CLASP2: variants seen among roughly 807,000 people sequenced by gnomAD.
CLASP2 encodes cytoplasmic linker associated protein 2, also known as CLIP-associating protein 2.
Under a neutral mutation model 194.4 loss-of-function variants are expected in CLASP2, and 47 were observed. That is an observed-to-expected ratio of 0.24 (90% CI 0.19 to 0.31). CLASP2 has a LOEUF of 0.31. Ranked by LOEUF, CLASP2 falls within the 10% of genes least tolerant of loss-of-function variation. The pLI is 1.00. For missense variants in CLASP2, 1,445 were observed against 1,823.6 expected (o/e 0.79, Z 3.78); for synonymous variants, 619 against 633.5 (o/e 0.98, Z 0.34).
chr3:33,498,744 A>C, intron 38 of CLASP2, 27 bp from the exon 39 acceptor site: 3 of 1,499,514 alleles, frequency 2.0e-6, no homozygotes, highest in Non-Finnish European at 2.8e-6. Context: ...AATAAATGTC[A>C]TTTGAGCAAG....
intron 5 of CLASP2, among the ~76,000 whole-genome samples, chr3:33,686,056 A>C (rs2090630297): frequency 6.6e-6 from 1 of 152,172 alleles, no homozygotes; most frequent in African/African-American, 2.4e-5. Context: ...TGAATACAGG[A>C]ATTTGAAAGG....
chr3:33,540,406 TA>T (rs1305014498), intron 32 of CLASP2, among the ~76,000 whole-genome samples: 1 of 151,916 alleles, frequency 6.6e-6, no homozygotes, highest in Admixed American at 6.6e-5. Flanking sequence ...TAGGCTGATT[TA>T]AAAAAATTTT....
At chr3:33,555,479 C>T (rs1299607761) in intron 29 of CLASP2, among the ~76,000 whole-genome samples, 1 of 151,850 alleles carries the variant, frequency 6.6e-6, no homozygotes, top group Non-Finnish European at 1.5e-5. Flanking sequence ...GACCCTCCCA[C>T]CTCAGCTTCC....
chr3:33,632,563 T>C lies in CLASP2; in HGVS notation c.863-192A>G, dbSNP rs149976711. ...AATGTACTTTGTAATGCCGATTCAT[T>C]ATAAGGTACTAGGCTAGGCGGGTTG... is the stretch of plus-strand genomic sequence containing the variant. On this transcript the variant is annotated intron_variant, in intron 8 of 38. Coordinates refer to ENST00000682230, the MANE Select transcript of CLASP2 (RefSeq NM_001365631.1). Among the ~76,000 whole-genome samples, 59 of 152,176 alleles carry C rather than the reference T, an allele frequency of 3.9e-4. No individual in the cohort carries two copies. In the East Asian group the frequency reaches 9.3e-3, roughly 24 times the overall value.
chr3:33,621,867 C>T (rs2077167400), intron 11 of CLASP2, among the ~76,000 whole-genome samples: 1 of 152,018 alleles, frequency 6.6e-6, no homozygotes, highest in Non-Finnish European at 1.5e-5. Flanking sequence ...TCATTTTCAT[C>T]TTATACTTGA....
At chr3:33,546,978 T>G (rs568882651) in intron 30 of CLASP2, among the ~76,000 whole-genome samples, 1 of 152,336 alleles carries the variant, frequency 6.6e-6, no homozygotes, top group South Asian at 2.1e-4. Context: ...TATTCCTGTT[T>G]TAAGTGTTTT....
At chr3:33,559,842 C>T (rs1298161470) in intron 28 of CLASP2, among the ~76,000 whole-genome samples, 2 of 151,842 alleles carry the variant, frequency 1.3e-5, no homozygotes, top group South Asian at 2.1e-4. Context: ...TGCAGTGAGC[C>T]GAGATTGCGC....
intron 6 of CLASP2, among the ~76,000 whole-genome samples, chr3:33,677,663 C>A (rs78147258): frequency 6.7e-6 from 1 of 149,966 alleles, no homozygotes; most frequent in Non-Finnish European, 1.5e-5. Flanking sequence ...ATGTAACTAA[C>A]CTGCACAGTG....
At chr3:33,695,240 T>TTTTTTTTTTA (rs2091761433) in intron 2 of CLASP2, among the ~76,000 whole-genome samples, 4 of 145,312 alleles carry the variant, frequency 2.8e-5, no homozygotes, top group Non-Finnish European at 6.0e-5. Flanking sequence ...TTTTTTTTTT[T>TTTTTTTTTTA]GGTAGAAACA....
chr3:33,685,734 A>T (rs1196648913), intron 5 of CLASP2, among the ~76,000 whole-genome samples: 1 of 148,642 alleles, frequency 6.7e-6, no homozygotes, highest in Non-Finnish European at 1.5e-5. Flanking sequence ...CTATCATTCT[A>T]CTTCTATGAG....
At position 33,552,476 on chromosome 3, in the gene CLASP2, T is replaced by C. The variant is rs544180567; in HGVS notation, c.3010-1081A>G. Among the ~76,000 whole-genome samples, 15 of 152,316 alleles carry C rather than the reference T, an allele frequency of 9.8e-5. No individual in the cohort carries two copies. In the South Asian group the frequency reaches 3.1e-3, roughly 32 times the overall value. ...GGAAGGCAGATGTTTGAAATATGTA[T>C]ATTTGTGGAATGGTTATAATTGAGC... On this transcript the variant is annotated intron_variant, in intron 29 of 38. Coordinates refer to ENST00000682230, the MANE Select transcript of CLASP2 (RefSeq NM_001365631.1).
chr3:33,608,793 C>A (rs889853553), intron 13 of CLASP2, among the ~76,000 whole-genome samples, 167 bp from the exon 14 acceptor site: 2 of 129,994 alleles, frequency 1.5e-5, no homozygotes, highest in Admixed American at 1.7e-4. Flanking sequence ...ACTCTTCTTG[C>A]CCAGGCTGGA....
intron 6 of CLASP2, 138 bp downstream of exon 6, chr3:33,684,221 G>C (rs891613398): frequency 4.5e-5 from 20 of 447,516 alleles, no homozygotes; most frequent in Non-Finnish European, 6.5e-5. Flanking sequence ...CTCCAGCCTG[G>C]GCAACAAGAG....
chr3:33,549,537 T>G (rs2059663714), intron 30 of CLASP2, among the ~76,000 whole-genome samples: 1 of 148,412 alleles, frequency 6.7e-6, no homozygotes, highest in African/African-American at 2.5e-5. Flanking sequence ...CTAAATACCT[T>G]TCTATTATTG....
chr3:33,633,563 A>G (rs952665228), intron 8 of CLASP2, among the ~76,000 whole-genome samples: 11 of 152,288 alleles, frequency 7.2e-5, no homozygotes, highest in Middle Eastern at 3.4e-3. Flanking sequence ...AGATTTGAGA[A>G]CCGTCGATAT....
At chr3:33,593,962 G>C (rs2069515152) in intron 20 of CLASP2, among the ~76,000 whole-genome samples, 1 of 152,066 alleles carries the variant, frequency 6.6e-6, no homozygotes, top group South Asian at 2.1e-4. Flanking sequence ...TCCCACCTCA[G>C]CCTCCAGAAT....
At chr3:33,714,912 T>C (rs1575815084) in intron 1 of CLASP2, among the ~76,000 whole-genome samples, 2 of 152,306 alleles carry the variant, frequency 1.3e-5, no homozygotes. Flanking sequence ...TATGATGTTA[T>C]ACCTCCACCA....
At chr3:33,542,581 C>G (rs1005473578) in intron 32 of CLASP2, among the ~76,000 whole-genome samples, 1 of 149,044 alleles carries the variant, frequency 6.7e-6, no homozygotes, top group African/African-American at 2.5e-5. Flanking sequence ...ATATGAAAAC[C>G]ATAGTATGAC....
intron 12 of CLASP2, among the ~76,000 whole-genome samples, chr3:33,616,072 TTAAA>T (rs1160360148): frequency 6.7e-6 from 1 of 149,722 alleles, no homozygotes. Context: ...ATTAGAAAAA[TTAAA>T]TAATCTCACT....
Sources: allele counts gnomAD v4.1 joint callset (sites outside exome capture counted in the v4.1 genomes callset), GRCh38; gene constraint gnomAD v4.1.1; transcripts MANE v1.5; gene names NCBI Gene and HGNC (gene_info 2026-07-23, HGNC 2026-07-21).